The following TRIO variants were observed in gnomAD, a reference collection of about 807,000 sequenced individuals.
TRIO encodes the protein trio Rho guanine nucleotide exchange factor, also known as triple functional domain protein.
TRIO carries 58 observed loss-of-function variants against 351.9 expected under a neutral mutation model. The ratio of observed to expected loss-of-function variants is 0.16; its 90% CI spans 0.13 to 0.21. The LOEUF (loss-of-function observed/expected upper bound fraction) is 0.21. Ranked by LOEUF, TRIO falls within the 10% of genes least tolerant of loss-of-function variation. TRIO has a pLI of 1.00. For synonymous variants in TRIO, 1,758 were observed against 1,595.7 expected (o/e 1.10, Z -2.42); for missense variants, 3,201 against 4,027.8 (o/e 0.79, Z 5.56).
At chr5:14,427,576 C>T (rs931105560) in intron 34 of TRIO, among the ~76,000 whole-genome samples, 6 of 152,220 alleles carry the variant, frequency 3.9e-5, no homozygotes, top group Non-Finnish European at 7.3e-5. Flanking sequence ...AGAAGCCCTT[C>T]ACTGGCCCAC....
chr5:14,480,165 G>T (rs1297733672), intron 43 of TRIO, among the ~76,000 whole-genome samples, 154 bp downstream of exon 43: 1 of 140,988 alleles, frequency 7.1e-6, no homozygotes, highest in Non-Finnish European at 1.5e-5. Flanking sequence ...ATTTAAATCA[G>T]CTGTTAACTG....
chr5:14,466,944 G>T lies in TRIO; in HGVS notation c.5763+1304G>T, dbSNP rs141685131. On this transcript the variant is annotated intron_variant, in intron 37 of 56. Coordinates refer to ENST00000344204, the MANE Select transcript of TRIO (RefSeq NM_007118.4). ...CCACTGAGCACTTATTCTAAGCCAGGCGCTGTTCTAAGTGCTGAGCATGTA... is the reference window on the plus strand; with the variant it reads ...CCACTGAGCACTTATTCTAAGCCAGTCGCTGTTCTAAGTGCTGAGCATGTA... Among the ~76,000 whole-genome samples the T allele has an allele frequency of 8.8e-4, 134 of 152,184 alleles. 4 individuals carry two copies. The East Asian group carries it at 0.024, about 27-fold the overall frequency.
chr5:14,234,268 G>A (rs1793642175), intron 1 of TRIO, among the ~76,000 whole-genome samples: 2 of 152,216 alleles, frequency 1.3e-5, no homozygotes, highest in Admixed American at 6.5e-5. Context: ...ACAGTTCAGT[G>A]GTGATAGTTG....
intron 34 of TRIO, among the ~76,000 whole-genome samples, chr5:14,456,632 G>A (rs548851155): frequency 6.6e-6 from 1 of 152,308 alleles, no homozygotes; most frequent in South Asian, 2.1e-4. Context: ...GACCTCTTCT[G>A]GGGAAAGGCA....
At chr5:14,352,741 G>C (rs1362909393) in intron 11 of TRIO, among the ~76,000 whole-genome samples, 3 of 152,186 alleles carry the variant, frequency 2.0e-5, no homozygotes, top group African/African-American at 7.2e-5. Context: ...CATTTAGTTT[G>C]GTCCTTTTTT....
rs2152319343 is a variant in TRIO, at chr5:14,336,651, A to G, written c.1970A>G (p.Gln657Arg). Residue 657 changes from glutamine to arginine, a missense_variant, in exon 11 of 57, where the codon CAA becomes CGA. Around this residue, in one of 19 missense-constraint regions of TRIO, gnomAD observed 363 missense variants for 553.5 expected, o/e 0.66. Transcript: ENST00000344204. ...QAAHQLEDRI[Q>R]DFVRRVEQRK... ...GCCCATCAGCTGGAAGACCGGATTC[A>G]AGATTTCGTTCGGCGTGTTGAGCAG... 2.5e-6 allele frequency: 4 copies of G among 1,614,228 alleles called. No homozygotes were observed. The East Asian group carries it at 8.9e-5, about 36-fold the overall frequency.
At chr5:14,384,685 A>G (rs1171888628) in intron 21 of TRIO, among the ~76,000 whole-genome samples, 1 of 152,220 alleles carries the variant, frequency 6.6e-6, no homozygotes, top group Admixed American at 6.5e-5. Flanking sequence ...ACCAGAAGAA[A>G]TAACAGGATA....
Position 14,403,290 on chromosome 5 carries a change from T to A in TRIO, c.4716+2226T>A, listed in dbSNP as rs560826874. On this transcript the variant is annotated intron_variant, in intron 31 of 56. Transcript: ENST00000344204. Reference sequence around the variant, plus strand: ...GTGCAGGTTGTGGTGAGGGTGTAGGTTGTGGTGGTGAGGGTGTAGGTTGTG... The same window carrying A: ...GTGCAGGTTGTGGTGAGGGTGTAGGATGTGGTGGTGAGGGTGTAGGTTGTG... Among the ~76,000 whole-genome samples, 508 of 127,706 alleles carry A rather than the reference T, an allele frequency of 4.0e-3. 5 individuals carry two copies. The highest frequency in any genetic ancestry group is 0.015 in the African/African-American group (485 of 31,546). The allele number at this position is 127,706 out of a possible 152,430, so 83.8% of individuals were successfully genotyped here. A position where few individuals can be genotyped will look rare whatever the true frequency, so the allele number is the denominator to read the frequency against.
At chr5:14,494,366 G>A (rs1209721170) in intron 49 of TRIO, among the ~76,000 whole-genome samples, 2 of 152,196 alleles carry the variant, frequency 1.3e-5, no homozygotes, top group Admixed American at 6.5e-5. Flanking sequence ...CAGCACATCT[G>A]TACACCATGT....
chr5:14,225,129 C>T (rs1004493879), intron 1 of TRIO, among the ~76,000 whole-genome samples: 1 of 152,022 alleles, frequency 6.6e-6, no homozygotes, highest in East Asian at 1.9e-4. Context: ...TTATCTGAAT[C>T]GTAGAGAATC....
At chr5:14,192,399 A>G (rs1051646408) in intron 1 of TRIO, among the ~76,000 whole-genome samples, 10 of 152,068 alleles carry the variant, frequency 6.6e-5, no homozygotes, top group African/African-American at 2.4e-4. Flanking sequence ...AGCTGGGACT[A>G]CAGGTGTATG....
chr5:14,169,197 CTTTTT>C (rs3994005), intron 1 of TRIO, among the ~76,000 whole-genome samples: 2 of 140,434 alleles, frequency 1.4e-5, no homozygotes, highest in African/African-American at 2.6e-5. Flanking sequence ...ATAAAACTGC[CTTTTT>C]TTTTTTTTTT....
intron 34 of TRIO, among the ~76,000 whole-genome samples, chr5:14,424,528 TG>T (rs1229858141): frequency 6.6e-6 from 1 of 152,172 alleles, no homozygotes; most frequent in Non-Finnish European, 1.5e-5. Flanking sequence ...CTTTTGCTTG[TG>T]GGTGACTTGA....
chr5:14,505,445 G>A (rs890322372), intron 55 of TRIO, among the ~76,000 whole-genome samples: 1 of 152,234 alleles, frequency 6.6e-6, no homozygotes, highest in Non-Finnish European at 1.5e-5. Context: ...TTTCCATGGG[G>A]AAGGGTAAAA....
intron 48 of TRIO, chr5:14,489,102 G>GT (rs1561551869): frequency 2.7e-6 from 2 of 752,034 alleles, no homozygotes; most frequent in South Asian, 2.7e-5. Flanking sequence ...ATGAGTGTAT[G>GT]TTTGAACGCT....
At chr5:14,199,937 G>A (rs1791002179) in intron 1 of TRIO, among the ~76,000 whole-genome samples, 1 of 152,180 alleles carries the variant, frequency 6.6e-6, no homozygotes, top group Non-Finnish European at 1.5e-5. Context: ...AGAGAACATA[G>A]ACAGCATTCT....
intron 1 of TRIO, among the ~76,000 whole-genome samples, chr5:14,157,079 A>G (rs146042124): frequency 6.7e-6 from 1 of 148,756 alleles, no homozygotes; most frequent in South Asian, 2.1e-4. Context: ...TGTGTAGAGG[A>G]GGATGGGTCG....
intron 13 of TRIO, among the ~76,000 whole-genome samples, chr5:14,361,977 G>A (rs771554350): frequency 6.6e-6 from 1 of 152,138 alleles, no homozygotes; most frequent in Non-Finnish European, 1.5e-5. Context: ...AATTAGGCGT[G>A]GTGGCGTGCA....
chr5:14,314,976 C>A (rs953438894), intron 8 of TRIO, among the ~76,000 whole-genome samples: 3 of 152,176 alleles, frequency 2.0e-5, no homozygotes, highest in African/African-American at 7.2e-5. Flanking sequence ...GAATTTTAAA[C>A]CCTGAAGCCT....
Sources: allele counts gnomAD v4.1 joint callset (sites outside exome capture counted in the v4.1 genomes callset), GRCh38; gene constraint gnomAD v4.1.1; regional missense constraint gnomAD v4.1.1; transcripts MANE v1.5; gene names NCBI Gene and HGNC (gene_info 2026-07-23, HGNC 2026-07-21).